Variants in CSMD1 observed in about 807,000 individuals in gnomAD.
CSMD1 encodes the protein CUB and Sushi multiple domains 1, also known as CUB and sushi domain-containing protein 1.
CSMD1 carries 213 observed loss-of-function variants against 417.5 expected under a neutral mutation model. That is an observed-to-expected ratio of 0.51 (90% CI 0.46 to 0.57). The LOEUF is 0.57. Among genes scored for constraint, CSMD1 ranks in the 20% least tolerant of loss-of-function variants. The pLI, the probability that CSMD1 is intolerant of heterozygous loss-of-function variation, is 0.00. For missense variants in CSMD1, 6,923 were observed against 4,529.7 expected (o/e 1.53, Z -15.17); for synonymous variants, 2,862 against 1,736.8 (o/e 1.65, Z -16.11).
intron 33 of CSMD1, among the ~76,000 whole-genome samples, chr8:3,192,495 A>G (rs533993159): frequency 1.2e-4 from 19 of 152,176 alleles, no homozygotes; most frequent in Non-Finnish European, 2.5e-4. Context: ...AAACACAGTA[A>G]TTGTCATGGT....
At chr8:3,232,250 G>A (rs1443700919) in intron 26 of CSMD1, among the ~76,000 whole-genome samples, 1 of 152,124 alleles carries the variant, frequency 6.6e-6, no homozygotes, top group African/African-American at 2.4e-5. Context: ...ACATATATCA[G>A]TTTCCTGAAA....
chr8:3,799,728 A>T (rs907894455), intron 5 of CSMD1, among the ~76,000 whole-genome samples: 1 of 151,978 alleles, frequency 6.6e-6, no homozygotes, highest in Non-Finnish European at 1.5e-5. Context: ...CATTCTGTGC[A>T]TTGTTTTATA....
intron 5 of CSMD1, among the ~76,000 whole-genome samples, chr8:3,979,113 C>G (rs1027220987): frequency 6.6e-6 from 1 of 152,226 alleles, no homozygotes; most frequent in South Asian, 2.1e-4. Flanking sequence ...TTAGAGAGCT[C>G]TACTTCACAG....
intron 3 of CSMD1, among the ~76,000 whole-genome samples, chr8:4,225,565 A>C (rs1700059): frequency 0.5 from 74,178 of 149,222 alleles, 19,639 homozygotes; most frequent in Non-Finnish European, 0.59. Context: ...CATGGCTGTT[A>C]AGAGCCTAAA....
intron 2 of CSMD1, among the ~76,000 whole-genome samples, chr8:4,420,435 T>A (rs1585047171): frequency 6.6e-6 from 1 of 152,078 alleles, no homozygotes; most frequent in African/African-American, 2.4e-5. Context: ...ATTAGGTAGG[T>A]GAAGGTGCGT....
intron 3 of CSMD1, among the ~76,000 whole-genome samples, chr8:4,197,456 C>T (rs1799404711): frequency 6.6e-6 from 1 of 152,108 alleles, no homozygotes. Flanking sequence ...TAGGTGGGCC[C>T]CGTTTCATCA....
intron 5 of CSMD1, among the ~76,000 whole-genome samples, chr8:3,937,388 G>A (rs1237774635): frequency 6.6e-6 from 1 of 152,108 alleles, no homozygotes. Context: ...CTTTACTGTT[G>A]TCTTATTTTA....
chr8:4,262,691 C>CCT (rs1803971474), intron 3 of CSMD1, among the ~76,000 whole-genome samples: 1 of 152,094 alleles, frequency 6.6e-6, no homozygotes, highest in Non-Finnish European at 1.5e-5. Context: ...CAGCCTCCAG[C>CCT]CTCAAGTTAT....
intron 23 of CSMD1, among the ~76,000 whole-genome samples, chr8:3,340,303 AG>A (rs1338594035): frequency 2.6e-5 from 4 of 152,320 alleles, no homozygotes; most frequent in Middle Eastern, 3.4e-3. Flanking sequence ...AGGATTGTAA[AG>A]TTGAAAGGTC....
In CSMD1 at chr8:3,599,922, G is replaced by T. The variant is rs113338631; in HGVS notation, c.1098-13662C>A. Among the ~76,000 whole-genome samples the T allele has an allele frequency of 1.8e-3, 272 of 152,250 alleles. 1 individual carries two copies. The highest frequency in any genetic ancestry group is 6.3e-3 in the African/African-American group (263 of 41,544). On this transcript the variant is annotated intron_variant, in intron 8 of 69. Transcript: ENST00000635120. Reference sequence around the variant, plus strand: ...CCCTTCCAGAGGAAGCAACATTTCGGCACAGCAGGACGTCTTAAAGCAAAG... The same window carrying T: ...CCCTTCCAGAGGAAGCAACATTTCGTCACAGCAGGACGTCTTAAAGCAAAG...
intron 3 of CSMD1, among the ~76,000 whole-genome samples, chr8:4,413,072 C>G (rs1053312391): frequency 2.0e-5 from 3 of 152,176 alleles, no homozygotes. Context: ...CATATAATTT[C>G]ACAGCTTCAT....
chr8:4,442,200 C>G (rs77239095), intron 2 of CSMD1, among the ~76,000 whole-genome samples: 2,784 of 152,268 alleles, frequency 0.018, 44 homozygotes, highest in Middle Eastern at 0.034. Flanking sequence ...CCTGACAAAT[C>G]TTTATAGCAG....
chr8:4,420,233 A>G (rs556077439), intron 2 of CSMD1, among the ~76,000 whole-genome samples, 168 bp from the exon 3 acceptor site: 5 of 152,338 alleles, frequency 3.3e-5, no homozygotes, highest in African/African-American at 9.6e-5. Flanking sequence ...AGTATTTGAA[A>G]TTAAACATTT....
chr8:3,063,375 T>C (rs1390288745), intron 49 of CSMD1, among the ~76,000 whole-genome samples: 1 of 152,188 alleles, frequency 6.6e-6, no homozygotes, highest in Non-Finnish European at 1.5e-5. Flanking sequence ...TGTGATAAAA[T>C]TGAAACCCTT....
intron 51 of CSMD1, among the ~76,000 whole-genome samples, chr8:3,021,759 A>G (rs376065503): frequency 6.8e-4 from 80 of 118,088 alleles, no homozygotes; most frequent in African/African-American, 2.1e-3. Context: ...GCAATCCCAC[A>G]GCATCCGGAA....
intron 1 of CSMD1, among the ~76,000 whole-genome samples, chr8:4,930,889 T>C (rs989103086): frequency 6.6e-6 from 1 of 152,238 alleles, no homozygotes; most frequent in African/African-American, 2.4e-5. Flanking sequence ...ACTGTATGTC[T>C]AGTTTTCTGT....
chr8:4,389,495 G>C (rs997652976), intron 3 of CSMD1, among the ~76,000 whole-genome samples: 2 of 151,702 alleles, frequency 1.3e-5, no homozygotes, highest in African/African-American at 4.8e-5. Context: ...AAATGTAAAA[G>C]AAAAATACAA....
chr8:4,384,814 T>G (rs1310442117), intron 3 of CSMD1, among the ~76,000 whole-genome samples: 1 of 152,122 alleles, frequency 6.6e-6, no homozygotes, highest in African/African-American at 2.4e-5. Flanking sequence ...AACATCAAAA[T>G]TATGCTACCT....
intron 3 of CSMD1, among the ~76,000 whole-genome samples, chr8:4,294,383 T>A (rs1341517625): frequency 1.3e-5 from 2 of 152,186 alleles, no homozygotes; most frequent in Non-Finnish European, 2.9e-5. Flanking sequence ...GTGCAAGATG[T>A]CACCGTTCTT....
Sources: allele counts gnomAD v4.1 joint callset (sites outside exome capture counted in the v4.1 genomes callset), GRCh38; gene constraint gnomAD v4.1.1; transcripts MANE v1.5; gene names NCBI Gene and HGNC (gene_info 2026-07-23, HGNC 2026-07-21).